NAA35: variants seen among roughly 807,000 people sequenced by gnomAD.
NAA35 encodes the protein MAK10 homolog, amino-acid N-acetyltransferase subunit.
NAA35 carries 18 observed loss-of-function variants against 101.7 expected under a neutral mutation model. That is an observed-to-expected ratio of 0.18 (90% CI 0.12 to 0.26). The LOEUF (loss-of-function observed/expected upper bound fraction) is 0.26, where lower values mean the gene tolerates loss of function less well. NAA35 is among the 10% of genes least tolerant of loss of function. NAA35 has a pLI of 1.00. For synonymous variants in NAA35, 267 were observed against 273.1 expected, an observed-to-expected ratio of 0.98 and a Z score of 0.22; for missense variants, 601 against 886.8, an observed-to-expected ratio of 0.68 and a Z score of 4.09.
chr9:85,964,276 G>A (rs976312467), intron 6 of NAA35, among the ~76,000 whole-genome samples: 3 of 152,002 alleles, frequency 2.0e-5, no homozygotes, highest in Non-Finnish European at 2.9e-5. Context: ...ACTTATGCGC[G>A]TGCTCCTGCT....
At chr9:86,009,507 A>T (rs938513026) in intron 14 of NAA35, among the ~76,000 whole-genome samples, 2 of 152,204 alleles carry the variant, frequency 1.3e-5, no homozygotes, top group Non-Finnish European at 2.9e-5. Flanking sequence ...TGTGATTATT[A>T]TTAGGAGCAC....
chr9:86,005,217 T>C (rs1321395118), intron 13 of NAA35, among the ~76,000 whole-genome samples: 1 of 152,190 alleles, frequency 6.6e-6, no homozygotes, highest in Non-Finnish European at 1.5e-5. Context: ...TGAAAATTGG[T>C]CAGCATAATA....
chr9:85,992,844 TG>T (rs1830975473), intron 11 of NAA35, among the ~76,000 whole-genome samples: 1 of 152,254 alleles, frequency 6.6e-6, no homozygotes, highest in Non-Finnish European at 1.5e-5. Flanking sequence ...TTCTGATGGC[TG>T]TATTGTGATT....
At chr9:85,959,199 A>G (rs1416635202) in intron 4 of NAA35, among the ~76,000 whole-genome samples, 1 of 151,954 alleles carries the variant, frequency 6.6e-6, no homozygotes, top group Non-Finnish European at 1.5e-5. Flanking sequence ...ATACAGTGAA[A>G]CCCCGTCTCT....
intron 19 of NAA35, 31 bp downstream of exon 19, chr9:86,017,596 C>T: frequency 6.4e-7 from 1 of 1,574,054 alleles, no homozygotes. Context: ...TTCTTTTTGC[C>T]TTTTAGCTAT....
intron 2 of NAA35, among the ~76,000 whole-genome samples, chr9:85,947,530 C>T (rs1401646722): frequency 6.6e-6 from 1 of 152,114 alleles, no homozygotes; most frequent in East Asian, 1.9e-4. Flanking sequence ...GGTGAGATGG[C>T]CAGCGCTGGC....
At chr9:85,949,077 C>T (rs556691442) in intron 2 of NAA35, among the ~76,000 whole-genome samples, 70 of 152,022 alleles carry the variant, frequency 4.6e-4, no homozygotes, top group African/African-American at 1.7e-3. Flanking sequence ...TCATATGTAA[C>T]TTTTTAGGAT....
chr9:86,014,027 T>C (rs1339758297), intron 17 of NAA35, 130 bp downstream of exon 17: 1 of 687,524 alleles, frequency 1.5e-6, no homozygotes, highest in Non-Finnish European at 2.2e-6. Flanking sequence ...TGGAAAAATT[T>C]GAAAATTAGA....
intron 6 of NAA35, 58 bp downstream of exon 6, chr9:85,962,238 C>A: frequency 1.9e-6 from 3 of 1,555,070 alleles, no homozygotes; most frequent in Non-Finnish European, 2.6e-6. Flanking sequence ...TGCCTGTAAT[C>A]TCAGCAGTTT....
intron 3 of NAA35, among the ~76,000 whole-genome samples, chr9:85,957,697 G>T (rs529084739): frequency 1.3e-5 from 2 of 152,290 alleles, no homozygotes; most frequent in South Asian, 4.1e-4. Context: ...TGTAGCCCCA[G>T]TTCCTATACT....
chr9:85,950,691 C>G (rs1372017685), intron 2 of NAA35, among the ~76,000 whole-genome samples: 1 of 151,986 alleles, frequency 6.6e-6, no homozygotes, highest in Non-Finnish European at 1.5e-5. Flanking sequence ...CCACATTTAC[C>G]CTAAATACAT....
intron 17 of NAA35, 68 bp downstream of exon 17, chr9:86,013,965 A>G: frequency 8.1e-7 from 1 of 1,235,824 alleles, no homozygotes; most frequent in African/African-American, 1.5e-5. Flanking sequence ...TTCAGAGTTA[A>G]TTTCAGGGTA....
intron 11 of NAA35, among the ~76,000 whole-genome samples, chr9:85,990,670 G>C (rs1830862487): frequency 6.6e-6 from 1 of 152,170 alleles, no homozygotes; most frequent in Non-Finnish European, 1.5e-5. Flanking sequence ...TTCTCTTCTT[G>C]AAAAAATTCA....
At chr9:86,013,383 AATG>A (rs1483262320) in intron 16 of NAA35, among the ~76,000 whole-genome samples, 1 of 152,222 alleles carries the variant, frequency 6.6e-6, no homozygotes, top group Non-Finnish European at 1.5e-5. Context: ...ATATGTATAA[AATG>A]ATAGTTTTAC....
chr9:85,964,807 C>T (rs986293716), intron 6 of NAA35, among the ~76,000 whole-genome samples: 1 of 152,090 alleles, frequency 6.6e-6, no homozygotes, highest in Non-Finnish European at 1.5e-5. Context: ...CTTTCAATGG[C>T]GATATTATTT....
intron 17 of NAA35, chr9:86,014,450 T>C: frequency 1.6e-6 from 1 of 612,700 alleles, no homozygotes; most frequent in Non-Finnish European, 2.0e-6. Flanking sequence ...TTTGAGCATA[T>C]TTTAGGCATG....
At chr9:85,942,425 C>T (rs1828565006) in intron 2 of NAA35, 142 bp downstream of exon 2, 2 of 1,109,218 alleles carry the variant, frequency 1.8e-6, no homozygotes, top group East Asian at 2.4e-5. Flanking sequence ...TCTGTATCCT[C>T]TAATTTTAAC....
At chr9:86,012,493 G>A (rs1286906272) in intron 15 of NAA35, among the ~76,000 whole-genome samples, 2 of 152,142 alleles carry the variant, frequency 1.3e-5, no homozygotes, top group Admixed American at 6.5e-5. Flanking sequence ...GATAATATCT[G>A]TCACAGTATG....
chr9:85,986,040 A>G (rs1830632795), intron 11 of NAA35, among the ~76,000 whole-genome samples: 1 of 152,114 alleles, frequency 6.6e-6, no homozygotes, highest in South Asian at 2.1e-4. Flanking sequence ...GAAGGGAGAA[A>G]AACACAAGAT....
Sources: gnomAD v4.1 joint callset for allele counts (sites outside exome capture counted in the v4.1 genomes callset) on GRCh38, gnomAD v4.1.1 for gene constraint, MANE v1.5 for transcripts, NCBI Gene and HGNC (gene_info 2026-07-23, HGNC 2026-07-21) for gene names.